The following TDRD5 variants were observed in gnomAD, a reference collection of about 807,000 sequenced individuals.
TDRD5 encodes the protein tudor domain-containing protein 5.
A neutral mutation model predicts 120.6 loss-of-function variants in TDRD5; 41 were observed. The ratio of observed to expected loss-of-function variants is 0.34; its 90% CI spans 0.26 to 0.44. The LOEUF (loss-of-function observed/expected upper bound fraction) is 0.44, where lower values mean the gene tolerates loss of function less well. Ranked by LOEUF, TDRD5 falls within the 20% of genes least tolerant of loss-of-function variation. The pLI, the probability that TDRD5 is intolerant of heterozygous loss-of-function variation, is 1.00. For missense variants in TDRD5, 1,006 were observed against 1,221.2 expected, an observed-to-expected ratio of 0.82 and a Z score of 2.63; for synonymous variants, 430 against 433.7, an observed-to-expected ratio of 0.99 and a Z score of 0.11.
At chr1:179,661,442 G>A (rs1679311394) in intron 14 of TDRD5, among the ~76,000 whole-genome samples, 1 of 151,326 alleles carries the variant, frequency 6.6e-6, no homozygotes, top group Admixed American at 6.6e-5. Flanking sequence ...TCATTTCTAG[G>A]GATCTGTCTT....
intron 17 of TDRD5, among the ~76,000 whole-genome samples, chr1:179,681,166 C>T (rs766627563): frequency 1.4e-4 from 21 of 152,180 alleles, no homozygotes; most frequent in Admixed American, 5.9e-4. Context: ...CAGGCTCAAC[C>T]GCCTGGGTTC....
chr1:179,670,185 T>A (rs1266414493), intron 17 of TDRD5, among the ~76,000 whole-genome samples: 1 of 151,206 alleles, frequency 6.6e-6, no homozygotes, highest in Non-Finnish European at 1.5e-5. Context: ...AGGTCAGGAG[T>A]TCAAGACCAG....
chr1:179,626,235 A>G lies in TDRD5; in HGVS notation c.973-4532A>G, dbSNP rs754186818. Among the ~76,000 whole-genome samples, 193 of 106,500 alleles carry G rather than the reference A, an allele frequency of 1.8e-3. 1 individual carries two copies. Among genetic ancestry groups the G allele is most frequent in the Middle Eastern group, 0.011 (2 of 182 alleles). The allele number at this position is 106,500 out of a possible 152,430, so 69.9% of individuals were successfully genotyped here. On this transcript the variant is annotated intron_variant, in intron 6 of 17. Transcript: ENST00000444136. ...TAATAATAATAATAAAAAGAAAAAA[A>G]AGAAGTAAACAGCTGATACATGAAC...
chr1:179,621,330 C>T (rs10913836), intron 6 of TDRD5, among the ~76,000 whole-genome samples: 13,671 of 151,664 alleles, frequency 0.09, 677 homozygotes, highest in Middle Eastern at 0.12. Flanking sequence ...AAAGATTATC[C>T]CATTAATGTT....
At chr1:179,606,295 C>T (rs1367996461) in intron 4 of TDRD5, among the ~76,000 whole-genome samples, 1 of 137,652 alleles carries the variant, frequency 7.3e-6, no homozygotes, top group Admixed American at 7.5e-5. Flanking sequence ...TGGATTGTTT[C>T]TTATTGCTGA....
At chr1:179,676,566 ATTTG>A (rs1680157528) in intron 17 of TDRD5, among the ~76,000 whole-genome samples, 2 of 152,244 alleles carry the variant, frequency 1.3e-5, no homozygotes, top group Middle Eastern at 6.8e-3. Flanking sequence ...GTCTCTCAGC[ATTTG>A]TTTGTTTGGA....
chr1:179,601,994 T>A (rs552945072), intron 4 of TDRD5, among the ~76,000 whole-genome samples: 1 of 152,174 alleles, frequency 6.6e-6, no homozygotes, highest in South Asian at 2.1e-4. Flanking sequence ...TTAGTAGATA[T>A]GGGGTTTCAC....
intron 16 of TDRD5, 105 bp from the exon 17 acceptor site, chr1:179,669,089 A>G: frequency 2.8e-6 from 3 of 1,061,444 alleles, no homozygotes; most frequent in South Asian, 3.4e-5. Context: ...TTTATTTATT[A>G]TAATATGGAA....
At chr1:179,614,423 T>C (rs1352001097) in intron 4 of TDRD5, among the ~76,000 whole-genome samples, 1 of 152,174 alleles carries the variant, frequency 6.6e-6, no homozygotes, top group East Asian at 1.9e-4. Context: ...TATTTTCAGT[T>C]TTTGCTATTA....
intron 17 of TDRD5, among the ~76,000 whole-genome samples, chr1:179,671,685 A>G (rs1679861570): frequency 1.3e-5 from 2 of 152,270 alleles, no homozygotes; most frequent in Admixed American, 6.5e-5. Flanking sequence ...CGGTGCACTC[A>G]TCACCTGAGT....
At chr1:179,620,648 A>G (rs1012184573) in intron 5 of TDRD5, among the ~76,000 whole-genome samples, 6 of 152,034 alleles carry the variant, frequency 3.9e-5, no homozygotes, top group Non-Finnish European at 1.5e-5. Flanking sequence ...GCTTAACTGT[A>G]TTTTCCAAAG....
At chr1:179,668,741 CT>C (rs35873475) in intron 16 of TDRD5, among the ~76,000 whole-genome samples, 33,676 of 109,532 alleles carry the variant, frequency 0.31, 3,372 homozygotes, top group East Asian at 0.39. Flanking sequence ...TATCTAGGTT[CT>C]TTTTTTTTTT....
intron 11 of TDRD5, among the ~76,000 whole-genome samples, chr1:179,648,249 A>G (rs1183841495): frequency 7.5e-5 from 11 of 146,670 alleles, no homozygotes; most frequent in African/African-American, 2.5e-4. Flanking sequence ...CATATACACC[A>G]TGGAATACTA....
At chr1:179,592,904 A>T (rs1301415055) in intron 2 of TDRD5, 57 bp downstream of exon 2, 30 of 1,515,890 alleles carry the variant, frequency 2.0e-5, no homozygotes, top group Non-Finnish European at 2.5e-5. Flanking sequence ...ATTGCTTAGT[A>T]AATAATTATT....
chr1:179,597,978 A>C (rs1675495506), intron 4 of TDRD5, among the ~76,000 whole-genome samples: 1 of 152,140 alleles, frequency 6.6e-6, no homozygotes, highest in Non-Finnish European at 1.5e-5. Flanking sequence ...AATGACAGGG[A>C]TATGATCTGA....
intron 4 of TDRD5, among the ~76,000 whole-genome samples, chr1:179,607,934 T>C (rs115777428): frequency 0.017 from 2,519 of 152,116 alleles, 26 homozygotes; most frequent in Non-Finnish European, 0.026. Context: ...ATTTTCTTTC[T>C]GCTTGGAAAA....
intron 14 of TDRD5, among the ~76,000 whole-genome samples, chr1:179,654,767 C>G (rs1226307413): frequency 1.3e-5 from 2 of 151,364 alleles, no homozygotes; most frequent in Non-Finnish European, 2.9e-5. Flanking sequence ...GACTCTGTCT[C>G]AAAAAAATAA....
chr1:179,644,331 G>A (rs183795808), intron 11 of TDRD5, among the ~76,000 whole-genome samples: 1 of 152,106 alleles, frequency 6.6e-6, no homozygotes, highest in Non-Finnish European at 1.5e-5. Flanking sequence ...AATACTGTAT[G>A]TTGGAGTTTA....
rs191104436 is a variant in TDRD5 at position 179,625,713 on chromosome 1, A to G, written c.972+4622A>G. Among the ~76,000 whole-genome samples the G allele has an allele frequency of 2.0e-5, 3 of 152,320 alleles. No homozygotes were observed. In the East Asian group the frequency reaches 5.8e-4, roughly 29 times the overall value. On this transcript the variant is annotated intron_variant, in intron 6 of 17. Transcript: ENST00000444136. ...ATATGATAGTATTCATAACAGCTTT[A>G]TACATTATAGCCTCCCAAAACTGGA...
Sources: allele counts gnomAD v4.1 joint callset (sites outside exome capture counted in the v4.1 genomes callset), GRCh38; gene constraint gnomAD v4.1.1; transcripts MANE v1.5; gene names NCBI Gene and HGNC (gene_info 2026-07-23, HGNC 2026-07-21).